SLC14A2: variants seen among roughly 807,000 people sequenced by gnomAD.
SLC14A2 encodes the protein solute carrier family 14 member 2.
A neutral mutation model predicts 104.6 loss-of-function variants in SLC14A2; 91 were observed. The observed-to-expected ratio is 0.87, with a 90% CI of 0.73 to 1.04. The LOEUF (loss-of-function observed/expected upper bound fraction) is 1.04, where lower values mean the gene tolerates loss of function less well. SLC14A2 is among the 50% of genes least tolerant of loss of function. The probability of loss-of-function intolerance (pLI) is 0.00; values close to 1 mark genes in which losing one functional copy is unlikely to be tolerated. For synonymous variants in SLC14A2, 476 were observed against 466.4 expected (o/e 1.02, Z -0.27); for missense variants, 1,189 against 1,156.0 (o/e 1.03, Z -0.41).
chr18:45,175,918 G>C, the SLC14A2 span, among the ~76,000 whole-genome samples: 2 of 152,160 alleles, frequency 1.3e-5, no homozygotes, highest in Admixed American at 1.3e-4. Flanking sequence ...GCTTCTTCAA[G>C]TATCTGGTCA....
At chr18:45,225,516 C>G (rs1220631944) in intron 1 of SLC14A2, among the ~76,000 whole-genome samples, 1 of 152,070 alleles carries the variant, frequency 6.6e-6, no homozygotes, top group Non-Finnish European at 1.5e-5. Flanking sequence ...TAGTTTTTTC[C>G]AATTCTGTGA....
chr18:45,188,110 T>C, the SLC14A2 span, among the ~76,000 whole-genome samples: 1 of 152,138 alleles, frequency 6.6e-6, no homozygotes. Context: ...TGAGTATGTC[T>C]ATAATCCAGG....
intron 1 of SLC14A2, among the ~76,000 whole-genome samples, chr18:45,449,883 A>G (rs1177033478): frequency 6.6e-6 from 1 of 152,182 alleles, no homozygotes; most frequent in East Asian, 1.9e-4. Context: ...GTCATAGATC[A>G]TGTGTGCTCC....
intron 1 of SLC14A2, among the ~76,000 whole-genome samples, chr18:45,443,279 G>C (rs1322226252): frequency 6.6e-6 from 1 of 152,186 alleles, no homozygotes; most frequent in Non-Finnish European, 1.5e-5. Flanking sequence ...CTTTCAAAAT[G>C]AAGACCCAAA....
chr18:45,534,014 A>G (rs2043741274), intron 2 of SLC14A2, among the ~76,000 whole-genome samples: 1 of 152,156 alleles, frequency 6.6e-6, no homozygotes, highest in South Asian at 2.1e-4. Context: ...CAAACAAAAA[A>G]CCTTGTTTAG....
chr18:45,505,051 GAGTT>G (rs1001845417), intron 2 of SLC14A2, among the ~76,000 whole-genome samples: 43 of 152,284 alleles, frequency 2.8e-4, no homozygotes, highest in African/African-American at 9.9e-4. Flanking sequence ...GAAAGAAAGA[GAGTT>G]AGGAAAAGAA....
At chr18:45,243,404 C>T (rs2084337283) in intron 1 of SLC14A2, among the ~76,000 whole-genome samples, 1 of 152,160 alleles carries the variant, frequency 6.6e-6, no homozygotes. Flanking sequence ...GGTCCATGTT[C>T]ACCCAGCTTG....
chr18:45,460,470 C>T (rs2087024787), intron 1 of SLC14A2, among the ~76,000 whole-genome samples: 1 of 152,162 alleles, frequency 6.6e-6, no homozygotes, highest in African/African-American at 2.4e-5. Context: ...CCTGAAAGCC[C>T]TTCATGATAG....
At chr18:45,333,116 GT>G (rs1435273660) in intron 1 of SLC14A2, among the ~76,000 whole-genome samples, 2 of 152,084 alleles carry the variant, frequency 1.3e-5, no homozygotes, top group Non-Finnish European at 2.9e-5. Flanking sequence ...GTTTAGGGTG[GT>G]TTGTGGTTTC....
At chr18:45,626,811 CA>C in intron 3 of SLC14A2, 146 bp from the exon 4 acceptor site, 3 of 438,608 alleles carry the variant, frequency 6.8e-6, no homozygotes, top group Non-Finnish European at 8.4e-6. Context: ...CCTCTACCCC[CA>C]CCCCTCCACC....
Position 45,222,156 on chromosome 18 carries a change from A to C in SLC14A2, c.-125+8965A>C, listed in dbSNP as rs8094106. ...CATTAACTGTGACTTTGGGCTATAA[A>C]CCTTTTCTTTGGTTCTCAGTTTACT... On this transcript the variant is annotated intron_variant, in intron 1 of 20. Transcript: ENST00000586448. Among the ~76,000 whole-genome samples, 127 of 152,216 alleles carry C rather than the reference A, an allele frequency of 8.3e-4. 1 individual carries two copies. Among genetic ancestry groups the C allele is most frequent in the African/African-American group, 2.9e-3 (122 of 41,538 alleles).
At chr18:45,190,941 C>T in the SLC14A2 span, among the ~76,000 whole-genome samples, 13 of 152,120 alleles carry the variant, frequency 8.5e-5, no homozygotes, top group African/African-American at 3.1e-4. Flanking sequence ...AAGGAAAATG[C>T]ATCATGTTTC....
intron 2 of SLC14A2, among the ~76,000 whole-genome samples, chr18:45,603,993 T>C (rs1342672426): frequency 6.6e-6 from 1 of 152,248 alleles, no homozygotes; most frequent in African/African-American, 2.4e-5. Context: ...ATTAAGTGGC[T>C]CACTTTCGTT....
At chr18:45,566,019 C>G (rs1011711535) in intron 2 of SLC14A2, among the ~76,000 whole-genome samples, 1 of 152,146 alleles carries the variant, frequency 6.6e-6, no homozygotes, top group African/African-American at 2.4e-5. Flanking sequence ...AGTTTGTGCA[C>G]AGCTTCCTTA....
chr18:45,498,980 G>A (rs896221622), intron 2 of SLC14A2, among the ~76,000 whole-genome samples: 2 of 152,164 alleles, frequency 1.3e-5, no homozygotes, highest in South Asian at 2.1e-4. Context: ...TTTTGTCACT[G>A]TAACCATTAC....
chr18:45,667,076 T>C lies in SLC14A2; in HGVS notation c.1699T>C (p.Cys567Arg), dbSNP rs199889682. 6.2e-7 allele frequency: 1 copy of C among 1,612,838 alleles called. No individual in the cohort carries two copies. The change falls in exon 13 of 20, where the codon TGT becomes CGT. Residue 567 changes from cysteine to arginine, a missense_variant. By Grantham distance (180) the Cys-to-Arg change is radical. Coordinates refer to ENST00000255226, the MANE Select transcript of SLC14A2 (RefSeq NM_007163.4). ...CTACATCACAGGAGAGATGAAGGAG[T>C]GTGGAGAGGGACTTAAAGGTAAAAT... ...LSYITGEMKE[C>R]GEGLKDKSPV...
chr18:45,628,000 C>CAAAAAAAAAAAAAAAAAA (rs58009345), intron 4 of SLC14A2, among the ~76,000 whole-genome samples: 4 of 83,556 alleles, frequency 4.8e-5, no homozygotes, highest in South Asian at 4.1e-4. Context: ...AAGACTTTCT[C>CAAAAAAAAAAAAAAAAAA]AAAAAAAAAA....
chr18:45,623,588 G>A (rs952829177), intron 1 of SLC14A2, among the ~76,000 whole-genome samples: 3 of 152,192 alleles, frequency 2.0e-5, no homozygotes, highest in Non-Finnish European at 2.9e-5. Context: ...GAGGAGGAGA[G>A]GTAATAGCCT....
At chr18:45,509,325 A>G (rs2043332223) in intron 2 of SLC14A2, among the ~76,000 whole-genome samples, 1 of 151,720 alleles carries the variant, frequency 6.6e-6, no homozygotes, top group African/African-American at 2.4e-5. Context: ...TCTGGCCATC[A>G]ATATCTGCTT....
Sources: allele counts gnomAD v4.1 joint callset (sites outside exome capture counted in the v4.1 genomes callset), GRCh38; gene constraint gnomAD v4.1.1; transcripts MANE v1.5; gene names NCBI Gene and HGNC (gene_info 2026-07-23, HGNC 2026-07-21).